Variants in TRMT44 observed in about 807,000 individuals in gnomAD.
TRMT44 encodes the protein probable tRNA (uracil-O(2)-)-methyltransferase.
In TRMT44, 78 loss-of-function variants were observed where a neutral mutation model predicts 77.3. That is an observed-to-expected ratio of 1.01 (90% confidence interval 0.84 to 1.22). The LOEUF (loss-of-function observed/expected upper bound fraction) is 1.22. Ranked by LOEUF, TRMT44 falls within the 50% of genes most tolerant of loss-of-function variation. The probability of loss-of-function intolerance (pLI) is 0.00; values close to 1 mark genes in which losing one functional copy is unlikely to be tolerated. For missense variants in TRMT44, 1,090 were observed against 964.4 expected, an observed-to-expected ratio of 1.13 and a Z score of -1.73; for synonymous variants, 391 against 383.3, an observed-to-expected ratio of 1.02 and a Z score of -0.23.
At chr4:8,513,845 C>T in the TRMT44 span, among the ~76,000 whole-genome samples, 2 of 152,314 alleles carry the variant, frequency 1.3e-5, no homozygotes, top group Admixed American at 6.5e-5. Context: ...TCACTACACA[C>T]CCACCAGGGT....
At chr4:8,489,697 C>G (rs999551237) in intron 2 of TRMT44, among the ~76,000 whole-genome samples, 2 of 152,160 alleles carry the variant, frequency 1.3e-5, no homozygotes, top group African/African-American at 4.8e-5. Flanking sequence ...AGGCTGGTCT[C>G]AAACTCCTGA....
intron 2 of TRMT44, among the ~76,000 whole-genome samples, chr4:8,488,165 A>C (rs1451192595): frequency 1.3e-5 from 2 of 152,226 alleles, no homozygotes; most frequent in African/African-American, 4.8e-5. Context: ...TGAGGACCTG[A>C]GGTCATAGGT....
At chr4:8,516,915 T>C in the TRMT44 span, among the ~76,000 whole-genome samples, 178 of 152,244 alleles carry the variant, frequency 1.2e-3, 1 homozygote, top group Non-Finnish European at 2.1e-4. Context: ...AATGTAACCT[T>C]GTAACAGTGT....
intron 6 of TRMT44, among the ~76,000 whole-genome samples, chr4:8,459,426 G>A (rs1211918063): frequency 2.0e-5 from 3 of 152,180 alleles, no homozygotes; most frequent in Admixed American, 1.3e-4. Flanking sequence ...TTACAGGCGA[G>A]GAAACCGAGG....
Position 8,467,167 on chromosome 4 carries a change from A to G in TRMT44, c.1495-747A>G, listed in dbSNP as rs374980227. 1.1e-4 allele frequency among the ~76,000 whole-genome samples: 17 copies of G among 152,244 alleles called. No individual in the cohort carries two copies. In the East Asian group the frequency reaches 3.1e-3, roughly 28 times the overall value. ...GGCCCTCTGCGCAGCCCCCGTATGCACTCGCTGGCTCTGGCAAGGTGGGGA... is the reference window on the plus strand; with the variant it reads ...GGCCCTCTGCGCAGCCCCCGTATGCGCTCGCTGGCTCTGGCAAGGTGGGGA... On this transcript the variant is annotated intron_variant, in intron 8 of 10. Coordinates refer to ENST00000389737, the MANE Select transcript of TRMT44 (RefSeq NM_152544.3).
intron 2 of TRMT44, among the ~76,000 whole-genome samples, chr4:8,492,323 C>A (rs1157479121): frequency 1.3e-5 from 2 of 152,196 alleles, no homozygotes; most frequent in Non-Finnish European, 2.9e-5. Flanking sequence ...CCAGCCTTTC[C>A]TTTCAACATC....
At chr4:8,487,000 GGAAA>G (rs1727830642) in intron 2 of TRMT44, among the ~76,000 whole-genome samples, 1 of 152,144 alleles carries the variant, frequency 6.6e-6, no homozygotes, top group Non-Finnish European at 1.5e-5. Context: ...CAGGCGGGAG[GGAAA>G]GAAGGAAGGT....
Position 8,441,345 on chromosome 4 carries a change from G to T in TRMT44, c.523G>T (p.Ala175Ser). Residue 175 changes from alanine to serine, a missense_variant, in exon 1 of 11, where the codon GCG becomes TCG. Coordinates refer to ENST00000389737, the MANE Select transcript of TRMT44 (RefSeq NM_152544.3). ...TSSGAGSQPE[A>S]QRELDVVLRT... ...CTCCGGGGCGGGATCGCAGCCAGAG[G>T]CGCAGCGTGAGCTCGACGTGGTTCT... 6.5e-7 allele frequency: 1 copy of T among 1,535,220 alleles called. No individual in the cohort carries two copies. Among genetic ancestry groups the T allele is most frequent in the Non-Finnish European group, 8.7e-7 (1 of 1,146,418 alleles).
At position 8,476,392 on chromosome 4, in the gene TRMT44, C is replaced by T. The variant is rs1727390781; in HGVS notation, c.*391C>T. 9.2e-6 allele frequency: 2 copies of T among 216,350 alleles called. No individual in the cohort carries two copies. The highest frequency in any genetic ancestry group is 1.9e-5 in the Non-Finnish European group (2 of 107,606). The allele number at this position is 216,350 out of a possible 1,614,324, so 13.4% of individuals were successfully genotyped here. A position where few individuals can be genotyped will look rare whatever the true frequency, so the allele number is the denominator to read the frequency against. On this transcript the variant is annotated 3_prime_UTR_variant, in exon 11 of 11. Transcript: ENST00000389737. ...CACATCTGTGAAGAGGATGGGGCTC[C>T]TCGAGAAGTAAGACCGTATCTGCCA...
At chr4:8,500,143 A>T in the TRMT44 span, among the ~76,000 whole-genome samples, 1 of 151,932 alleles carries the variant, frequency 6.6e-6, no homozygotes, top group East Asian at 1.9e-4. Context: ...GGCAGGGAGG[A>T]CTGCTTGAGC....
intron 6 of TRMT44, among the ~76,000 whole-genome samples, chr4:8,456,432 CGG>C: frequency 6.6e-6 from 1 of 151,998 alleles, no homozygotes; most frequent in Admixed American, 6.6e-5. Context: ...AGAAAAGTTA[CGG>C]CATTAGAAGA....
chr4:8,512,689 T>G, the TRMT44 span: 1 of 152,240 alleles, frequency 6.6e-6, no homozygotes, highest in Admixed American at 6.5e-5. Flanking sequence ...GACCCATGAG[T>G]GTCTGATCGA....
At chr4:8,496,414 G>A (rs576033772), downstream of TRMT44, among the ~76,000 whole-genome samples, 1 of 152,288 alleles carries the variant, frequency 6.6e-6, no homozygotes, top group African/African-American at 2.4e-5. Flanking sequence ...TCTGTTAGAT[G>A]GTGGTGGAAC....
At chr4:8,466,706 GC>G (rs765572815) in intron 8 of TRMT44, among the ~76,000 whole-genome samples, 61 of 152,340 alleles carry the variant, frequency 4.0e-4, no homozygotes, top group Admixed American at 9.8e-4. Flanking sequence ...TTTGATTTTT[GC>G]ACTTGCTTCT....
chr4:8,460,350 G>A (rs1726065976), intron 6 of TRMT44, among the ~76,000 whole-genome samples: 1 of 152,142 alleles, frequency 6.6e-6, no homozygotes, highest in South Asian at 2.1e-4. Context: ...CATGGAGAAT[G>A]TCAGGAATAT....
chr4:8,496,743 A>G (rs1002921805), downstream of TRMT44, among the ~76,000 whole-genome samples: 1 of 151,836 alleles, frequency 6.6e-6, no homozygotes, highest in Non-Finnish European at 1.5e-5. Flanking sequence ...GCAGCCAGTA[A>G]ATTTTCGCCT....
downstream of TRMT44, chr4:8,478,826 C>T (rs949077383): frequency 2.0e-5 from 3 of 152,376 alleles, no homozygotes; most frequent in Admixed American, 6.5e-5. Flanking sequence ...GGGGCAGCCT[C>T]TGTCCCCAGG....
At chr4:8,470,842 G>T in intron 9 of TRMT44, 1 of 404,878 alleles carries the variant, frequency 2.5e-6, no homozygotes, top group Non-Finnish European at 4.5e-6. Context: ...GCCCTGTGCG[G>T]GCATGGGGCA....
At chr4:8,513,876 A>G in the TRMT44 span, among the ~76,000 whole-genome samples, 1 of 152,234 alleles carries the variant, frequency 6.6e-6, no homozygotes, top group Non-Finnish European at 1.5e-5. Context: ...CTCCCGGCAG[A>G]TACCTGCAAG....
Sources: gnomAD v4.1 joint callset for allele counts (sites outside exome capture counted in the v4.1 genomes callset) on GRCh38, gnomAD v4.1.1 for gene constraint, MANE v1.5 for transcripts, NCBI Gene and HGNC (gene_info 2026-07-23, HGNC 2026-07-21) for gene names.